RSRC1: variants seen among roughly 807,000 people sequenced by gnomAD.
The protein encoded by RSRC1 is arginine and serine rich coiled-coil 1, also known as serine/Arginine-related protein 53.
In RSRC1, 39 loss-of-function variants were observed where a neutral mutation model predicts 49.1. That is an observed-to-expected ratio of 0.79 (90% CI 0.61 to 1.04). The LOEUF is 1.04. Ranked by LOEUF, RSRC1 falls within the 50% of genes least tolerant of loss-of-function variation. RSRC1 has a pLI of 0.00. For missense variants in RSRC1, 388 were observed against 402.4 expected, an observed-to-expected ratio of 0.96 and a Z score of 0.31; for synonymous variants, 143 against 130.8, an observed-to-expected ratio of 1.09 and a Z score of -0.63.
intron 5 of RSRC1, among the ~76,000 whole-genome samples, chr3:158,302,056 C>CTT (rs1449129320): frequency 5.1e-5 from 5 of 98,324 alleles, no homozygotes; most frequent in East Asian, 4.2e-4. Flanking sequence ...CTTTTGTTTT[C>CTT]CTTTTTTTTT....
intron 7 of RSRC1, among the ~76,000 whole-genome samples, chr3:158,478,644 C>A (rs927590570): frequency 6.6e-6 from 1 of 151,852 alleles, no homozygotes; most frequent in Non-Finnish European, 1.5e-5. Context: ...ACTTTTATAA[C>A]CTCCCCCTCC....
At chr3:158,131,761 G>A (rs187296295) in intron 3 of RSRC1, among the ~76,000 whole-genome samples, 1 of 152,264 alleles carries the variant, frequency 6.6e-6, no homozygotes, top group Non-Finnish European at 1.5e-5. Flanking sequence ...TAGACTACAA[G>A]TGTAAAGGGT....
At chr3:158,145,266 T>C (rs1189820724) in intron 3 of RSRC1, among the ~76,000 whole-genome samples, 1 of 152,232 alleles carries the variant, frequency 6.6e-6, no homozygotes, top group Non-Finnish European at 1.5e-5. Context: ...TGGTTTTAGA[T>C]CTAAGGTTTA....
chr3:158,455,021 C>T (rs1284460970), intron 6 of RSRC1, among the ~76,000 whole-genome samples: 2 of 152,064 alleles, frequency 1.3e-5, no homozygotes, highest in African/African-American at 4.8e-5. Flanking sequence ...AGGGAGGTAC[C>T]ATTGTTTTGC....
chr3:158,495,958 A>T (rs1739301114), intron 7 of RSRC1, among the ~76,000 whole-genome samples: 1 of 152,200 alleles, frequency 6.6e-6, no homozygotes, highest in Non-Finnish European at 1.5e-5. Flanking sequence ...TACAAATATA[A>T]TGTGAAATAT....
chr3:158,341,159 GA>G (rs1405656478), intron 5 of RSRC1, among the ~76,000 whole-genome samples: 1 of 150,692 alleles, frequency 6.6e-6, no homozygotes, highest in South Asian at 2.1e-4. Context: ...CTACGCAATA[GA>G]AAAAAAAACA....
intron 3 of RSRC1, among the ~76,000 whole-genome samples, chr3:158,159,129 A>AT: frequency 6.6e-6 from 1 of 152,166 alleles, no homozygotes; most frequent in East Asian, 1.9e-4. Flanking sequence ...CTGGCCTGAG[A>AT]TTCTAGGATG....
At chr3:158,243,978 A>T (rs1723742558) in intron 4 of RSRC1, among the ~76,000 whole-genome samples, 1 of 141,370 alleles carries the variant, frequency 7.1e-6, no homozygotes, top group Non-Finnish European at 1.5e-5. Flanking sequence ...AATATACAGG[A>T]TTATGTCATC....
At chr3:158,254,089 A>G (rs1218207636) in intron 4 of RSRC1, among the ~76,000 whole-genome samples, 4 of 152,220 alleles carry the variant, frequency 2.6e-5, no homozygotes, top group South Asian at 2.1e-4. Flanking sequence ...TGCAAAGGAC[A>G]TGAACTCATC....
At position 158,272,967 on chromosome 3, in the gene RSRC1, G is replaced by C. The variant is rs183906916; in HGVS notation, c.495-25072G>C. Among the ~76,000 whole-genome samples the C allele has an allele frequency of 3.7e-3, 560 of 151,858 alleles. 2 individuals are homozygous for C. The highest frequency in any genetic ancestry group is 6.3e-3 in the Non-Finnish European group (426 of 67,880). On this transcript the variant is annotated intron_variant, in intron 4 of 9. Transcript: ENST00000611884. ...ACATTGTTCCCCTTTACTAAAAAAT[G>C]GTATATATAAGAATAAAAGCATTGT...
chr3:158,384,870 G>A (rs956663350), intron 6 of RSRC1, among the ~76,000 whole-genome samples: 27 of 152,006 alleles, frequency 1.8e-4, no homozygotes, highest in African/African-American at 6.3e-4. Flanking sequence ...TATCAAGCAG[G>A]TCAGGGTGGA....
chr3:158,210,472 A>G (rs1306254518), intron 4 of RSRC1, among the ~76,000 whole-genome samples: 2 of 149,984 alleles, frequency 1.3e-5, no homozygotes, highest in African/African-American at 4.9e-5. Context: ...TCATTATAGC[A>G]TGCAAAAAAA....
chr3:158,365,789 C>T (rs749852774), intron 6 of RSRC1, among the ~76,000 whole-genome samples: 3 of 152,186 alleles, frequency 2.0e-5, no homozygotes, highest in Admixed American at 6.5e-5. Context: ...TTCTATTTCT[C>T]CACATCCTCT....
Position 158,450,522 on chromosome 3 carries a change from G to A in RSRC1, c.584-10413G>A, listed in dbSNP as rs181903964. On this transcript the variant is annotated intron_variant, in intron 6 of 9. Transcript: ENST00000611884. The stretch of plus-strand genomic sequence containing the variant: ...TTTTACCTGTACATTTGTATTGCTG[G>A]CATTTAATGGTATAAATTGGTGAGG... Among the ~76,000 whole-genome samples the A allele has an allele frequency of 3.1e-3, 475 of 151,864 alleles. 2 individuals carry two copies. The highest frequency in any genetic ancestry group is 0.01 in the Middle Eastern group (3 of 294).
intron 3 of RSRC1, among the ~76,000 whole-genome samples, chr3:158,128,143 C>T (rs1679784917): frequency 6.6e-6 from 1 of 152,094 alleles, no homozygotes; most frequent in South Asian, 2.1e-4. Flanking sequence ...GTGCTGTTTC[C>T]ATTAGTGCTC....
At chr3:158,236,116 C>CAA (rs202061212) in intron 4 of RSRC1, among the ~76,000 whole-genome samples, 1 of 136,340 alleles carries the variant, frequency 7.3e-6, no homozygotes, top group African/African-American at 2.8e-5. Context: ...AGTCTTGTCT[C>CAA]AAAAAAAAAA....
At chr3:158,466,204 T>C (rs898893904) in intron 7 of RSRC1, among the ~76,000 whole-genome samples, 1 of 152,216 alleles carries the variant, frequency 6.6e-6, no homozygotes, top group Admixed American at 6.5e-5. Context: ...CTTATTTTCG[T>C]AATAGCTAAG....
intron 5 of RSRC1, among the ~76,000 whole-genome samples, chr3:158,343,402 C>T (rs1048115060): frequency 1.3e-5 from 2 of 152,022 alleles, no homozygotes; most frequent in African/African-American, 4.8e-5. Flanking sequence ...TGTCTGACAT[C>T]CTATCAAAAA....
intron 4 of RSRC1, among the ~76,000 whole-genome samples, chr3:158,281,242 A>T (rs1000560704): frequency 6.6e-6 from 1 of 152,060 alleles, no homozygotes; most frequent in Non-Finnish European, 1.5e-5. Flanking sequence ...GAATGATAAG[A>T]TCCTTTTCTG....
Sources: gnomAD v4.1 joint callset for allele counts (sites outside exome capture counted in the v4.1 genomes callset) on GRCh38, gnomAD v4.1.1 for gene constraint, MANE v1.5 for transcripts, NCBI Gene and HGNC (gene_info 2026-07-23, HGNC 2026-07-21) for gene names.